The following VAV3 variants were observed in gnomAD, a reference collection of about 807,000 sequenced individuals.
VAV3 encodes guanine nucleotide exchange factor VAV3.
Under a neutral mutation model 131.2 loss-of-function variants are expected in VAV3, and 94 were observed. The ratio of observed to expected loss-of-function variants is 0.72; its 90% CI spans 0.61 to 0.85. The LOEUF is 0.85. Ranked by LOEUF, VAV3 falls within the 40% of genes least tolerant of loss-of-function variation. The pLI is 0.00. For synonymous variants in VAV3, 349 were observed against 342.0 expected (o/e 1.02, Z -0.22); for missense variants, 939 against 1,002.7 (o/e 0.94, Z 0.86).
rs1329116208 is a variant in VAV3 at position 107,574,159 on chromosome 1, T to C, written c.2390A>G (p.Tyr797Cys). ...TCTCATATCTCTTGCACAGAAGTCA[T>C]ACCGAGCGATGGCAATGCCCAGCAC... ...PKVLGIAIAR[Y>C]DFCARDMREL... Residue 797 changes from tyrosine to cysteine, a missense_variant, in exon 26 of 27, where the codon TAT (tyrosine) becomes TGT (cysteine). Transcript: ENST00000370056. 1 of 1,614,044 alleles carries C rather than the reference T, an allele frequency of 6.2e-7. No homozygotes were observed. Among genetic ancestry groups the C allele is most frequent in the African/African-American group, 1.3e-5 (1 of 75,060 alleles).
At chr1:107,609,813 A>C in intron 22 of VAV3, 118 bp downstream of exon 22, 1 of 1,037,230 alleles carries the variant, frequency 9.6e-7, no homozygotes, top group Non-Finnish European at 1.4e-6. Context: ...ACATCTGAAA[A>C]CACCTTTAGC....
At chr1:107,823,645 A>C (rs564951886) in intron 2 of VAV3, among the ~76,000 whole-genome samples, 1 of 152,290 alleles carries the variant, frequency 6.6e-6, no homozygotes, top group South Asian at 2.1e-4. Context: ...AATGGACCAA[A>C]TGTTTGTATC....
intron 25 of VAV3, among the ~76,000 whole-genome samples, chr1:107,589,586 G>C (rs992439812): frequency 3.9e-5 from 6 of 152,142 alleles, no homozygotes; most frequent in Non-Finnish European, 8.8e-5. Flanking sequence ...TAAGCCACTT[G>C]GTTCGTGATA....
intron 1 of VAV3, among the ~76,000 whole-genome samples, chr1:107,927,328 T>G (rs1557929246): frequency 6.6e-6 from 1 of 152,152 alleles, no homozygotes; most frequent in Non-Finnish European, 1.5e-5. Context: ...CAGATCAGAC[T>G]CTGAGACTTG....
chr1:107,791,067 T>A (rs1666263961), intron 2 of VAV3, among the ~76,000 whole-genome samples: 1 of 152,124 alleles, frequency 6.6e-6, no homozygotes, highest in Admixed American at 6.6e-5. Context: ...ACATCGATAG[T>A]CTCACCAAAG....
intron 2 of VAV3, among the ~76,000 whole-genome samples, chr1:107,867,315 T>G (rs1670036833): frequency 1.3e-5 from 2 of 152,254 alleles, no homozygotes; most frequent in Admixed American, 1.3e-4. Context: ...AAACTGGACT[T>G]GAATAATCAC....
intron 1 of VAV3, among the ~76,000 whole-genome samples, chr1:107,907,701 TCTCA>T (rs1205182178): frequency 2.6e-5 from 4 of 151,462 alleles, no homozygotes; most frequent in African/African-American, 7.3e-5. Context: ...TCTCTCTCTC[TCTCA>T]TTCTTACTCT....
chr1:107,667,588 GGATT>G (rs1184648221), intron 19 of VAV3, among the ~76,000 whole-genome samples: 3 of 151,718 alleles, frequency 2.0e-5, no homozygotes. Flanking sequence ...GTTTATGTTA[GGATT>G]ATTATACACA....
At chr1:107,838,213 G>A (rs147480391) in intron 2 of VAV3, among the ~76,000 whole-genome samples, 189 of 152,154 alleles carry the variant, frequency 1.2e-3, no homozygotes, top group African/African-American at 4.4e-3. Flanking sequence ...CTATGCATCC[G>A]ACAAAGCTCT....
chr1:107,735,162 G>C (rs949904962), intron 15 of VAV3, among the ~76,000 whole-genome samples: 5 of 152,156 alleles, frequency 3.3e-5, no homozygotes, highest in African/African-American at 1.2e-4. Context: ...AAACCAATGA[G>C]AACAAAGACA....
chr1:107,757,919 T>C (rs1054039446), intron 10 of VAV3, among the ~76,000 whole-genome samples: 3 of 152,134 alleles, frequency 2.0e-5, no homozygotes, highest in African/African-American at 2.4e-5. Context: ...ATGTCAACTA[T>C]CACCTCATGG....
intron 19 of VAV3, among the ~76,000 whole-genome samples, chr1:107,648,756 G>A (rs1655926140): frequency 6.6e-6 from 1 of 151,900 alleles, no homozygotes; most frequent in Admixed American, 6.6e-5. Flanking sequence ...AAGCAAAAAT[G>A]GAACAAAAAT....
intron 9 of VAV3, among the ~76,000 whole-genome samples, chr1:107,761,184 T>C (rs1191607814): frequency 6.6e-6 from 1 of 152,018 alleles, no homozygotes; most frequent in East Asian, 1.9e-4. Flanking sequence ...GGTCAGGAGA[T>C]CAAGACCATC....
At chr1:107,594,314 G>C (rs1050285694) in intron 25 of VAV3, among the ~76,000 whole-genome samples, 17 of 152,044 alleles carry the variant, frequency 1.1e-4, no homozygotes, top group African/African-American at 3.9e-4. Context: ...CCCAGAACCA[G>C]AACAGTGCCT....
chr1:107,950,130 CA>C (rs58865681), intron 1 of VAV3, among the ~76,000 whole-genome samples: 1 of 150,204 alleles, frequency 6.7e-6, no homozygotes, highest in East Asian at 2.0e-4. Context: ...AACCACAAAA[CA>C]AAAAAAAAGT....
chr1:107,625,154 T>C (rs1386279199), intron 20 of VAV3, among the ~76,000 whole-genome samples: 3 of 152,146 alleles, frequency 2.0e-5, no homozygotes, highest in African/African-American at 7.2e-5. Flanking sequence ...ATATAAGCAC[T>C]TTTGCAATGC....
At chr1:107,833,726 C>T (rs1048178190) in intron 2 of VAV3, among the ~76,000 whole-genome samples, 2 of 152,108 alleles carry the variant, frequency 1.3e-5, no homozygotes, top group Non-Finnish European at 2.9e-5. Flanking sequence ...TCCCTGTAAC[C>T]CCACCAAGCA....
intron 9 of VAV3, among the ~76,000 whole-genome samples, chr1:107,763,802 T>C (rs1664573753): frequency 6.6e-6 from 1 of 152,186 alleles, no homozygotes; most frequent in African/African-American, 2.4e-5. Context: ...TTGTGAGCTA[T>C]GAAATCATGC....
At chr1:107,940,529 G>A (rs985628961) in intron 1 of VAV3, among the ~76,000 whole-genome samples, 2 of 152,202 alleles carry the variant, frequency 1.3e-5, no homozygotes, top group African/African-American at 4.8e-5. Flanking sequence ...TTGCCAGGAT[G>A]CCTGCGAAAC....
Sources: allele counts gnomAD v4.1 joint callset (sites outside exome capture counted in the v4.1 genomes callset), GRCh38; gene constraint gnomAD v4.1.1; transcripts MANE v1.5; gene names NCBI Gene and HGNC (gene_info 2026-07-23, HGNC 2026-07-21).